SHOX: variants seen among roughly 807,000 people sequenced by gnomAD.
The protein encoded by SHOX is short stature homeobox protein.
SHOX carries 12 observed loss-of-function variants against 29.6 expected under a neutral mutation model. The observed-to-expected ratio is 0.41, with a 90% CI of 0.26 to 0.66. SHOX has a LOEUF of 0.66. Among genes scored for constraint, SHOX ranks in the 30% least tolerant of loss-of-function variants. The probability of loss-of-function intolerance (pLI) is 0.35; values close to 1 mark genes in which losing one functional copy is unlikely to be tolerated. For synonymous variants in SHOX, 214 were observed against 200.6 expected, an observed-to-expected ratio of 1.07 and a Z score of -0.57; for missense variants, 499 against 437.7, an observed-to-expected ratio of 1.14 and a Z score of -1.25.
At chrX:658,867 C>G in exon 6 of SHOX, 1 of 359,032 alleles carries the variant, frequency 2.8e-6, no homozygotes, top group South Asian at 2.2e-5. Context: ...CGAGTTCAAG[C>G]GATTCTCCTG....
chrX:624,904 C>CTTTCTTTCTT lies in SHOX; in HGVS notation c.-433+303_-433+304insTTCTTTCTTT, dbSNP rs2052485772. Among the ~76,000 whole-genome samples the CTTTCTTTCTT allele has an allele frequency of 6.2e-4, 59 of 94,926 alleles. 1 individual carries two copies. Among genetic ancestry groups the CTTTCTTTCTT allele is most frequent in the South Asian group, 1.6e-3 (4 of 2,452 alleles). The allele number at this position is 94,926 out of a possible 152,430, so 62.3% of individuals were successfully genotyped here. ...TTTCTTTCTTTCTTTCTTTCTTTCT[C>CTTTCTTTCTT]TCTTCCTTTCTTTCTTTCTTTCTTT... On this transcript the variant is annotated intron_variant, in intron 1 of 5. Transcript: ENST00000334060.
At chrX:625,503 CGCTATTTTTCTCTG>C (rs1485169211) in intron 1 of SHOX, among the ~76,000 whole-genome samples, 6 of 151,716 alleles carry the variant, frequency 4.0e-5, no homozygotes, top group East Asian at 1.9e-4. Flanking sequence ...CCCTGTCTGT[CGCTATTTTTCTCTG>C]TCTATCTCTG....
At chrX:637,175 G>A (rs949642037) in intron 2 of SHOX, among the ~76,000 whole-genome samples, 1 of 151,866 alleles carries the variant, frequency 6.6e-6, no homozygotes, top group Admixed American at 6.6e-5. Flanking sequence ...GCCTCAGTGA[G>A]GGAAGGAAGC....
At chrX:655,614 C>CTCTATA (rs2053135294), downstream of SHOX, among the ~76,000 whole-genome samples, 1 of 35,088 alleles carries the variant, frequency 2.8e-5, no homozygotes, top group African/African-American at 1.3e-4. Flanking sequence ...CTCTCTCTCT[C>CTCTATA]TATATATATA....
chrX:625,894 T>C (rs750069683), upstream of SHOX, among the ~76,000 whole-genome samples: 15 of 147,842 alleles, frequency 1.0e-4, no homozygotes, highest in South Asian at 3.0e-3. Context: ...CTCTCCTCTC[T>C]CTCTTTCTCT....
At chrX:626,156 A>G (rs1368801269), upstream of SHOX, among the ~76,000 whole-genome samples, 1 of 81,234 alleles carries the variant, frequency 1.2e-5, no homozygotes, top group Non-Finnish European at 2.4e-5. Context: ...CTCTGTCTGT[A>G]TCTCTATCTC....
intron 2 of SHOX, among the ~76,000 whole-genome samples, chrX:640,071 G>A (rs1246859259): frequency 6.6e-6 from 1 of 150,878 alleles, no homozygotes; most frequent in Non-Finnish European, 1.5e-5. Flanking sequence ...TAGGCCAGGT[G>A]CAGTGGCTCA....
Position 645,250 on chromosome X carries a change from G to T in SHOX, c.*614G>T, listed in dbSNP as rs1293554457. On this transcript the variant is annotated 3_prime_UTR_variant, in exon 5 of 5. Coordinates refer to ENST00000686671, the MANE Select transcript of SHOX (RefSeq NM_000451.4). ...GGCTGAGGCTGAGGACGTGAACCGC[G>T]GGCTTTGGAAAGGGAGGGGAGGGAG... 2 of 152,128 alleles carry T rather than the reference G, an allele frequency of 1.3e-5. No individual in the cohort carries two copies. Among genetic ancestry groups the T allele is most frequent in the Admixed American group, 6.5e-5 (1 of 15,274 alleles). 9.4% of individuals were successfully genotyped at this position (152,128 alleles called of 1,614,324 possible).
In SHOX at chrX:630,973, G is replaced by A. The variant is rs1427274048; in HGVS notation, c.76G>A (p.Gly26Ser). 4 of 1,613,720 alleles carry A rather than the reference G, an allele frequency of 2.5e-6. No individual in the cohort carries two copies. Among genetic ancestry groups the A allele is most frequent in the Admixed American group, 3.3e-5 (2 of 60,004 alleles). The change falls in exon 1 of 5, where the codon GGC becomes AGC. Residue 26 changes from glycine (G) to serine (S), a missense_variant. Physicochemically the swap from Gly to Ser is moderately conservative, Grantham distance 56 (BLOSUM62 0). Transcript: ENST00000686671. ...SKDGNGGGGG[G>S]GGKKDSITYR... is the part of the protein sequence containing the mutation. ...GGACGGTAACGGCGGAGGCGGAGGC[G>A]GCGGAGGTAAGAAGGATTCCATTAC...
downstream of SHOX, among the ~76,000 whole-genome samples, chrX:653,459 A>C (rs1477822426): frequency 6.6e-6 from 1 of 152,168 alleles, no homozygotes; most frequent in Non-Finnish European, 1.5e-5. Flanking sequence ...GTTGCCAATC[A>C]CAAAGAATGT....
chrX:637,655 G>T (rs148888493), intron 2 of SHOX, among the ~76,000 whole-genome samples: 6,084 of 152,190 alleles, frequency 0.04, 196 homozygotes, highest in South Asian at 0.089. Context: ...AGGCGAGTGC[G>T]CTTTGAGGGG....
At chrX:629,570 T>C (rs1300993015), upstream of SHOX, among the ~76,000 whole-genome samples, 1 of 152,010 alleles carries the variant, frequency 6.6e-6, no homozygotes, top group Non-Finnish European at 1.5e-5. Context: ...TCTCTGCCTC[T>C]CCCTGTCTGT....
chrX:634,422 C>G (rs1362105388), intron 1 of SHOX, among the ~76,000 whole-genome samples, 196 bp from the exon 2 acceptor site: 1 of 152,250 alleles, frequency 6.6e-6, no homozygotes, highest in Non-Finnish European at 1.5e-5. Context: ...GAAAACAACG[C>G]TCGTGCAAAG....
chrX:652,067 C>T (rs2053074563), downstream of SHOX, among the ~76,000 whole-genome samples: 1 of 152,016 alleles, frequency 6.6e-6, no homozygotes, highest in Non-Finnish European at 1.5e-5. Context: ...GGATGACAGT[C>T]ACCTGCACCA....
intron 2 of SHOX, among the ~76,000 whole-genome samples, chrX:638,889 T>C (rs1230623600): frequency 6.6e-6 from 1 of 152,164 alleles, no homozygotes; most frequent in Non-Finnish European, 1.5e-5. Flanking sequence ...TCATTTCTCT[T>C]GGGTGGTGAC....
At chrX:634,927 C>A (rs2052718198) in intron 2 of SHOX, 101 bp downstream of exon 2, 7 of 1,292,070 alleles carry the variant, frequency 5.4e-6, no homozygotes, top group African/African-American at 3.0e-5. Context: ...CGCCGCCGTC[C>A]CCTTCCCGGA....
upstream of SHOX, chrX:630,734 C>T (rs2052631537): frequency 1.3e-5 from 11 of 847,374 alleles, no homozygotes; most frequent in Non-Finnish European, 1.9e-5. Context: ...ACAGGCAGCG[C>T]ATGGGGGGCT....
rs1287601366 is a variant in SHOX at position 646,762 on chromosome X, CTCAT to C, written c.*2131_*2134del. ...ACATTAACGGTATTAGAGAGTTTGC[CTCAT>C]TCATCCATTTTTCTTAAAAGCTGGA... On this transcript the variant is annotated 3_prime_UTR_variant, in exon 5 of 5. Transcript: ENST00000686671. 1 of 151,602 alleles carries C rather than the reference CTCAT, an allele frequency of 6.6e-6. No individual in the cohort carries two copies. Among genetic ancestry groups the C allele is most frequent in the African/African-American group, 2.4e-5 (1 of 41,230 alleles). 9.4% of individuals were successfully genotyped at this position (151,602 alleles called of 1,614,324 possible). A position where few individuals can be genotyped will look rare whatever the true frequency, so the allele number is the denominator to read the frequency against.
At chrX:630,500 G>A (rs1219943134), upstream of SHOX, 2 of 312,984 alleles carry the variant, frequency 6.4e-6, no homozygotes, top group Admixed American at 9.5e-5. Context: ...CGGCCACGGA[G>A]AGAACGCGGG....
Sources: allele counts gnomAD v4.1 joint callset (sites outside exome capture counted in the v4.1 genomes callset), GRCh38; gene constraint gnomAD v4.1.1; transcripts MANE v1.5; gene names NCBI Gene and HGNC (gene_info 2026-07-23, HGNC 2026-07-21).